CCDC178: variants seen among roughly 807,000 people sequenced by gnomAD.
The protein encoded by CCDC178 is coiled-coil domain containing 178, also known as coiled-coil domain-containing protein 178.
Under a neutral mutation model 117.4 loss-of-function variants are expected in CCDC178, and 126 were observed. That is an observed-to-expected ratio of 1.07 (90% confidence interval 0.93 to 1.24). The LOEUF is 1.24. CCDC178 is among the 50% of genes most tolerant of loss of function. The pLI is 0.00. For synonymous variants in CCDC178, 283 were observed against 313.4 expected, an observed-to-expected ratio of 0.90 and a Z score of 1.02; for missense variants, 1,030 against 986.9, an observed-to-expected ratio of 1.04 and a Z score of -0.59.
chr18:33,154,638 A>G (rs1008613285), intron 20 of CCDC178, among the ~76,000 whole-genome samples: 4 of 152,188 alleles, frequency 2.6e-5, no homozygotes, highest in African/African-American at 7.2e-5. Context: ...AATTTACTGC[A>G]TGTCACCTAT....
intron 20 of CCDC178, among the ~76,000 whole-genome samples, chr18:33,107,484 T>C (rs918499127): frequency 4.6e-5 from 7 of 151,556 alleles, no homozygotes; most frequent in Non-Finnish European, 1.0e-4. Flanking sequence ...TTCCTAAAGA[T>C]AAAAATCCCA....
At chr18:33,079,127 T>C (rs1429992013) in intron 21 of CCDC178, among the ~76,000 whole-genome samples, 3 of 151,918 alleles carry the variant, frequency 2.0e-5, no homozygotes, top group Non-Finnish European at 4.4e-5. Flanking sequence ...AGGCTGCATA[T>C]CAACAATCAT....
At chr18:33,192,864 G>A (rs1382081706) in intron 20 of CCDC178, among the ~76,000 whole-genome samples, 8 of 148,304 alleles carry the variant, frequency 5.4e-5, no homozygotes, top group African/African-American at 1.7e-4. Context: ...TCGTGCCACT[G>A]TACTCCAGCC....
chr18:33,384,539 A>C (rs559748539), intron 5 of CCDC178, among the ~76,000 whole-genome samples: 1 of 152,344 alleles, frequency 6.6e-6, no homozygotes, highest in South Asian at 2.1e-4. Flanking sequence ...AAAAGCCAGA[A>C]GAGATTGGGG....
rs113010200 is a variant in CCDC178, at chr18:33,191,534, C to T, written c.2238+20362G>A. ...AAGTATTTTCTGAGCGTTCTATTAA[C>T]GTAATGCATCCTACCAGAATATATA... is the stretch of plus-strand genomic sequence containing the variant. On this transcript the variant is annotated intron_variant, in intron 20 of 22. Transcript: ENST00000383096. Among the ~76,000 whole-genome samples, 362 of 152,184 alleles carry T rather than the reference C, an allele frequency of 2.4e-3. 1 individual carries two copies. Among genetic ancestry groups the T allele is most frequent in the African/African-American group, 7.7e-3 (319 of 41,544 alleles).
intron 20 of CCDC178, among the ~76,000 whole-genome samples, chr18:33,182,854 A>G (rs1471858556): frequency 1.3e-5 from 2 of 152,044 alleles, no homozygotes; most frequent in Admixed American, 6.6e-5. Context: ...TTTAAAAAGT[A>G]TATTTGCAAT....
chr18:32,947,776 T>A (rs2054389333), intron 22 of CCDC178, among the ~76,000 whole-genome samples: 1 of 152,170 alleles, frequency 6.6e-6, no homozygotes, highest in South Asian at 2.1e-4. Flanking sequence ...AAGACATCTT[T>A]GCCAATCCCA....
intron 20 of CCDC178, among the ~76,000 whole-genome samples, chr18:33,203,895 C>G (rs979122003): frequency 1.3e-5 from 2 of 152,136 alleles, no homozygotes; most frequent in African/African-American, 4.8e-5. Flanking sequence ...ATAAGACTAA[C>G]TATGATAGCT....
chr18:33,100,246 A>C (rs1473512416), intron 20 of CCDC178, among the ~76,000 whole-genome samples: 2 of 151,992 alleles, frequency 1.3e-5, no homozygotes, highest in Non-Finnish European at 2.9e-5. Flanking sequence ...CTACTGCATT[A>C]ATTTATGCAT....
At chr18:33,396,796 C>A (rs2063643541) in intron 4 of CCDC178, among the ~76,000 whole-genome samples, 1 of 152,044 alleles carries the variant, frequency 6.6e-6, no homozygotes, top group African/African-American at 2.4e-5. Context: ...CAGGAGAGTA[C>A]AGGGAGACCT....
At chr18:33,309,739 T>A (rs1371782063) in intron 11 of CCDC178, among the ~76,000 whole-genome samples, 1 of 151,974 alleles carries the variant, frequency 6.6e-6, no homozygotes, top group East Asian at 1.9e-4. Context: ...AAATAATAAT[T>A]TTATGTAATT....
chr18:33,156,954 C>T (rs1179050346), intron 20 of CCDC178, among the ~76,000 whole-genome samples: 1 of 152,138 alleles, frequency 6.6e-6, no homozygotes, highest in Non-Finnish European at 1.5e-5. Flanking sequence ...CTACATTTAT[C>T]TTAGAAAGGA....
intron 20 of CCDC178, among the ~76,000 whole-genome samples, chr18:33,171,964 G>A (rs2058605797): frequency 6.6e-6 from 1 of 152,188 alleles, no homozygotes; most frequent in Non-Finnish European, 1.5e-5. Flanking sequence ...AGGCTGGAGT[G>A]CAGTGGCACG....
intron 21 of CCDC178, among the ~76,000 whole-genome samples, chr18:32,994,669 C>T (rs1334539776): frequency 1.3e-5 from 2 of 152,108 alleles, no homozygotes; most frequent in South Asian, 2.1e-4. Context: ...TTTATTGCTG[C>T]GGTCAATAGA....
intron 12 of CCDC178, among the ~76,000 whole-genome samples, chr18:33,287,876 AT>A (rs2060118934): frequency 6.6e-6 from 1 of 152,230 alleles, no homozygotes; most frequent in African/African-American, 2.4e-5. Flanking sequence ...GATCAAAGAT[AT>A]AAAAAACTGA....
At chr18:33,125,678 C>T (rs1023726448) in intron 20 of CCDC178, among the ~76,000 whole-genome samples, 1 of 152,076 alleles carries the variant, frequency 6.6e-6, no homozygotes, top group Non-Finnish European at 1.5e-5. Context: ...AAATAAATTA[C>T]TCAAATAATC....
At chr18:33,082,482 TATG>T (rs573321465) in intron 21 of CCDC178, among the ~76,000 whole-genome samples, 2 of 152,102 alleles carry the variant, frequency 1.3e-5, no homozygotes, top group Non-Finnish European at 2.9e-5. Context: ...AAAAGAAGAA[TATG>T]AATACTTAGA....
chr18:33,437,249 T>C (rs1014146136), intron 2 of CCDC178, among the ~76,000 whole-genome samples: 6 of 152,188 alleles, frequency 3.9e-5, no homozygotes, highest in African/African-American at 1.2e-4. Flanking sequence ...TAAAATCTCA[T>C]TTACACAAAG....
intron 20 of CCDC178, among the ~76,000 whole-genome samples, chr18:33,158,018 TA>T (rs1428972709): frequency 6.6e-6 from 1 of 152,140 alleles, no homozygotes; most frequent in Non-Finnish European, 1.5e-5. Context: ...GTTCTTAGAC[TA>T]ACTGGAATGA....
Sources: gnomAD v4.1 joint callset for allele counts (sites outside exome capture counted in the v4.1 genomes callset) on GRCh38, gnomAD v4.1.1 for gene constraint, MANE v1.5 for transcripts, NCBI Gene and HGNC (gene_info 2026-07-23, HGNC 2026-07-21) for gene names.